SLC61A1: variants seen among roughly 807,000 people sequenced by gnomAD.
SLC61A1 encodes the protein solute carrier family 61 member 1, also known as major facilitator superfamily domain containing 5.
chr12:53,251,614 C>A, the SLC61A1 span: 2 of 1,088,176 alleles, frequency 1.8e-6, no homozygotes, highest in Non-Finnish European at 2.6e-6. Context: ...TTGCCCAAGG[C>A]CACACAGCTG....
At chr12:53,252,073 G>C in the SLC61A1 span, 1 of 1,465,344 alleles carries the variant, frequency 6.8e-7, no homozygotes, top group East Asian at 2.5e-5. Context: ...GCGGGGCGGG[G>C]TTTTGGCGCC....
At chr12:53,253,290 A>T in the SLC61A1 span, 1 of 1,614,238 alleles carries the variant, frequency 6.2e-7, no homozygotes, top group South Asian at 1.1e-5. Flanking sequence ...GAGGCCTGGT[A>T]TATCCATGAG....
the SLC61A1 span, chr12:53,251,772 G>A: frequency 6.5e-7 from 1 of 1,537,240 alleles, no homozygotes; most frequent in East Asian, 2.4e-5. Context: ...AAACCAAGGA[G>A]ACCTTCTCGG....
the SLC61A1 span, chr12:53,253,798 C>T: frequency 7.4e-6 from 12 of 1,614,086 alleles, no homozygotes; most frequent in Admixed American, 1.0e-4. Flanking sequence ...CTGTGCTCAT[C>T]GTCGTCTTCT....
chr12:53,253,959 C>A, the SLC61A1 span: 1 of 1,614,102 alleles, frequency 6.2e-7, no homozygotes, highest in East Asian at 2.2e-5. Context: ...ACAGAGCAGG[C>A]TGGTGTACTC....
At chr12:53,253,018 C>A in the SLC61A1 span, 3 of 1,614,220 alleles carry the variant, frequency 1.9e-6, no homozygotes, top group Non-Finnish European at 2.5e-6. Flanking sequence ...TTCAGGCCCC[C>A]TACCTCTATA....
the SLC61A1 span, chr12:53,253,454 G>A: frequency 6.2e-7 from 1 of 1,614,092 alleles, no homozygotes; most frequent in East Asian, 2.2e-5. Flanking sequence ...CTTTGTGGCT[G>A]CCATCCCTCT....
the SLC61A1 span, chr12:53,251,440 T>C: frequency 2.4e-6 from 1 of 416,306 alleles, no homozygotes; most frequent in Non-Finnish European, 4.3e-6. Flanking sequence ...AGAGGTTAAA[T>C]AGTTTTTCCA....
the SLC61A1 span, chr12:53,254,182 G>A: frequency 6.2e-7 from 1 of 1,613,322 alleles, no homozygotes; most frequent in Non-Finnish European, 8.5e-7. Context: ...ATGCCCCTGA[G>A]CTGTAACCCC....
At chr12:53,251,380 G>A in the SLC61A1 span, 1 of 232,672 alleles carries the variant, frequency 4.3e-6, no homozygotes, top group South Asian at 7.5e-5. Context: ...TACCCTTAGT[G>A]AGATGGGAAG....
chr12:53,254,325 G>A, the SLC61A1 span: 1 of 1,071,716 alleles, frequency 9.3e-7, no homozygotes. Flanking sequence ...AGGACATGAT[G>A]GGGGTGATGG....
chr12:53,252,496 A>G, the SLC61A1 span: 1 of 1,320,812 alleles, frequency 7.6e-7, no homozygotes, highest in African/African-American at 1.5e-5. Flanking sequence ...AATAGAAGGA[A>G]GTGTACGGGA....
chr12:53,251,447 T>G, the SLC61A1 span: 1 of 432,750 alleles, frequency 2.3e-6, no homozygotes, highest in Non-Finnish European at 4.1e-6. Context: ...AAATAGTTTT[T>G]CCAAGGTAAA....
At chr12:53,252,126 G>C in the SLC61A1 span, 19 of 1,441,460 alleles carry the variant, frequency 1.3e-5, no homozygotes, top group South Asian at 1.9e-4. Context: ...GGCGGCCAGA[G>C]GCCTGCCCGG....
chr12:53,252,202 C>G, the SLC61A1 span: 1 of 1,416,138 alleles, frequency 7.1e-7, no homozygotes, highest in East Asian at 2.7e-5. Flanking sequence ...GGAGCCACAG[C>G]GGGGAGGGTG....
chr12:53,254,191 C>T, the SLC61A1 span: 1 of 1,612,304 alleles, frequency 6.2e-7, no homozygotes, highest in Non-Finnish European at 8.5e-7. Context: ...AGCTGTAACC[C>T]CACTCCAGGA....
chr12:53,251,902 C>G, the SLC61A1 span: 1 of 1,537,318 alleles, frequency 6.5e-7, no homozygotes, highest in South Asian at 1.2e-5. Context: ...AGGGTGGCCC[C>G]TCAGGCATCC....
chr12:53,252,343 C>T, the SLC61A1 span: 1 of 1,348,516 alleles, frequency 7.4e-7, no homozygotes, highest in South Asian at 1.8e-5. Context: ...AGTGGGGTGC[C>T]AGTGACCTGG....
At chr12:53,254,232 AGCTATCCG>A in the SLC61A1 span, 3 of 1,588,232 alleles carry the variant, frequency 1.9e-6, no homozygotes, top group East Asian at 6.7e-5. Flanking sequence ...CTTGAATTCC[AGCTATCCG>A]GGATTGTACA....
Sources: gnomAD v4.1 joint callset for allele counts on GRCh38, gnomAD v4.1.1 for gene constraint, MANE v1.5 for transcripts, NCBI Gene and HGNC (gene_info 2026-07-23, HGNC 2026-07-21) for gene names.